CDC5L: variants seen among roughly 807,000 people sequenced by gnomAD.
The protein encoded by CDC5L is cell division cycle 5-like protein.
CDC5L carries 18 observed loss-of-function variants against 104.1 expected under a neutral mutation model. The observed-to-expected ratio is 0.17, with a 90% CI of 0.12 to 0.26. The LOEUF (loss-of-function observed/expected upper bound fraction) is 0.26, where lower values mean the gene tolerates loss of function less well. Among genes scored for constraint, CDC5L ranks in the 10% least tolerant of loss-of-function variants. CDC5L has a pLI of 1.00. For missense variants in CDC5L, 673 were observed against 956.9 expected, an observed-to-expected ratio of 0.70 and a Z score of 3.91; for synonymous variants, 331 against 322.7, an observed-to-expected ratio of 1.03 and a Z score of -0.28.
At chr6:44,425,605 G>A (rs1000255615) in intron 11 of CDC5L, among the ~76,000 whole-genome samples, 4 of 152,116 alleles carry the variant, frequency 2.6e-5, no homozygotes, top group Non-Finnish European at 4.4e-5. Flanking sequence ...CTTTTCAGTG[G>A]GGAACAGAGG....
In CDC5L at chr6:44,387,742, G is replaced by A; in HGVS notation, c.-82G>A. The A allele has an allele frequency of 2.4e-6, 3 of 1,268,144 alleles. No homozygotes were observed. Among genetic ancestry groups the A allele is most frequent in the South Asian group, 1.3e-5 (1 of 78,096 alleles). The allele number at this position is 1,268,144 out of a possible 1,614,324, so 78.6% of individuals were successfully genotyped here. A position where few individuals can be genotyped will look rare whatever the true frequency, so the allele number is the denominator to read the frequency against. ...AAGGTCGCGCTTGGAGGAAGTGGCGGCTTTGAGTCCGGTGGCCCAATCGCT... is the reference window on the plus strand; with the variant it reads ...AAGGTCGCGCTTGGAGGAAGTGGCGACTTTGAGTCCGGTGGCCCAATCGCT... On this transcript the variant is annotated 5_prime_UTR_variant, in exon 1 of 16. Coordinates refer to ENST00000371477, the MANE Select transcript of CDC5L (RefSeq NM_001253.4).
rs58800666 is a variant in CDC5L, at chr6:44,414,382, C to CTGTG, written c.1093-5021_1093-5018dup. Among the ~76,000 whole-genome samples, 518 of 130,028 alleles carry CTGTG rather than the reference C, an allele frequency of 4.0e-3. 4 individuals carry two copies. Among genetic ancestry groups the CTGTG allele is most frequent in the African/African-American group, 8.4e-3 (280 of 33,500 alleles). The allele number at this position is 130,028 out of a possible 152,430, so 85.3% of individuals were successfully genotyped here. ...CGTGAGCCACTGTGCCTGGCCTGGC[C>CTGTG]TGTGTGTGTGTGTGTGTGTGTGTGT... On this transcript the variant is annotated intron_variant, in intron 8 of 15. Coordinates refer to ENST00000371477, the MANE Select transcript of CDC5L (RefSeq NM_001253.4).
chr6:44,411,637 A>AGAGAGAGAGAGAGAGAGAGTGTGTGT, intron 8 of CDC5L, among the ~76,000 whole-genome samples: 2 of 123,746 alleles, frequency 1.6e-5, no homozygotes, highest in East Asian at 1.1e-3. Context: ...AGAGAGAGAG[A>AGAGAGAGAGAGAGAGAGAGTGTGTGT]GTGTGTGTGT....
chr6:44,425,971 A>G, intron 11 of CDC5L, 132 bp from the exon 12 acceptor site: 1 of 551,344 alleles, frequency 1.8e-6, no homozygotes. Context: ...TTGCCTTTCT[A>G]CAAACTTAAA....
At chr6:44,401,416 G>A (rs1484371019) in intron 5 of CDC5L, among the ~76,000 whole-genome samples, 1 of 152,060 alleles carries the variant, frequency 6.6e-6, no homozygotes, top group Non-Finnish European at 1.5e-5. Flanking sequence ...ACTTCTGTTT[G>A]GATGGAGGAA....
chr6:44,397,609 A>C (rs1452110623), intron 5 of CDC5L, among the ~76,000 whole-genome samples: 2 of 152,250 alleles, frequency 1.3e-5, no homozygotes, highest in Admixed American at 1.3e-4. Context: ...TTTTGGAGTC[A>C]GATGACTGTA....
chr6:44,425,957 A>G (rs1581656295), intron 11 of CDC5L, 146 bp from the exon 12 acceptor site: 1 of 523,992 alleles, frequency 1.9e-6, no homozygotes. Flanking sequence ...CTGTTGCCTT[A>G]GCATTGCCTT....
Position 44,396,372 on chromosome 6 carries a change from C to A in CDC5L, c.471C>A (p.Ala157=). ...DELEMLSEAR[A]RLANTQGKKA... ...TTGAGATGCTTTCTGAAGCCAGAGC[C>A]CGCTTGGCTAATACTCAGGGAAAGA... is the stretch of plus-strand genomic sequence containing the variant. The change falls in exon 5 of 16, where the codon GCC becomes GCA. Residue 157 remains alanine, a synonymous_variant. Transcript: ENST00000371477. The A allele has an allele frequency of 6.2e-7, 1 of 1,610,188 alleles. No homozygotes were observed. Among genetic ancestry groups the A allele is most frequent in the East Asian group, 2.2e-5 (1 of 44,784 alleles).
chr6:44,424,341 C>G, intron 10 of CDC5L, 78 bp from the exon 11 acceptor site: 1 of 1,278,020 alleles, frequency 7.8e-7, no homozygotes, highest in Non-Finnish European at 1.1e-6. Flanking sequence ...GTTGTGCTAT[C>G]AATTTTTAAG....
At chr6:44,444,772 C>A (rs1793370144) in intron 14 of CDC5L, among the ~76,000 whole-genome samples, 1 of 152,110 alleles carries the variant, frequency 6.6e-6, no homozygotes, top group Non-Finnish European at 1.5e-5. Context: ...TCTTCCATTA[C>A]CACATCTAGG....
At chr6:44,392,230 A>G (rs1021130900) in intron 2 of CDC5L, among the ~76,000 whole-genome samples, 3 of 152,332 alleles carry the variant, frequency 2.0e-5, no homozygotes, top group Middle Eastern at 3.4e-3. Context: ...ATGAAAGGTT[A>G]CGGTGAATTT....
At chr6:44,406,949 AC>A (rs1356331972) in intron 7 of CDC5L, among the ~76,000 whole-genome samples, 1 of 151,640 alleles carries the variant, frequency 6.6e-6, no homozygotes, top group East Asian at 1.9e-4. Context: ...AACAAAAAAA[AC>A]CCCACAAGTA....
intron 7 of CDC5L, 134 bp downstream of exon 7, chr6:44,406,601 C>A: frequency 2.5e-6 from 2 of 803,180 alleles, no homozygotes; most frequent in Non-Finnish European, 4.1e-6. Context: ...ATGGGTGAGA[C>A]ACACATAAAA....
At position 44,387,727 on chromosome 6, in the gene CDC5L, T is replaced by G. The variant is rs1790390323; in HGVS notation, c.-97T>G. 1.8e-6 allele frequency: 2 copies of G among 1,095,090 alleles called. No homozygotes were observed. The highest frequency in any genetic ancestry group is 3.1e-5 in the African/African-American group (2 of 64,144). The allele number at this position is 1,095,090 out of a possible 1,614,324, so 67.8% of individuals were successfully genotyped here. ...AGATCTTCAAAGCAGAAGGTCGCGCTTGGAGGAAGTGGCGGCTTTGAGTCC... is the reference window on the plus strand; with the variant it reads ...AGATCTTCAAAGCAGAAGGTCGCGCGTGGAGGAAGTGGCGGCTTTGAGTCC... On this transcript the variant is annotated 5_prime_UTR_variant, in exon 1 of 16. Transcript: ENST00000371477.
Position 44,406,433 on chromosome 6 carries a change from A to G in CDC5L, c.869A>G (p.Lys290Arg). The stretch of plus-strand genomic sequence containing the variant: ...ACTAGTGGTGTTTCTGAATTTACTA[A>G]AAAGAGAAGCAAACTAGTACTTCCT... ...LQTSGVSEFT[K>R]KRSKLVLPAP... is the part of the protein sequence containing the mutation. The change falls in exon 7 of 16, where the codon AAA becomes AGA. Residue 290 changes from lysine to arginine, a missense_variant. Lys to Arg is a conservative substitution (Grantham distance 26, BLOSUM62 2). Around this residue, in one of 4 missense-constraint regions of CDC5L, gnomAD observed 578 missense variants for 737.0 expected, o/e 0.78. Transcript: ENST00000371477. 1.2e-6 allele frequency: 2 copies of G among 1,611,162 alleles called. No homozygotes were observed. Among genetic ancestry groups the G allele is most frequent in the African/African-American group, 1.3e-5 (1 of 74,896 alleles).
intron 10 of CDC5L, among the ~76,000 whole-genome samples, chr6:44,423,826 GATTTT>G (rs1364084739): frequency 2.0e-5 from 3 of 152,108 alleles, no homozygotes; most frequent in Non-Finnish European, 4.4e-5. Context: ...TTTTAGAGTG[GATTTT>G]ATTAGTCCAA....
rs1377634727 is a variant in CDC5L at position 44,448,956 on chromosome 6, G to T, written c.*2245G>T. 6.6e-6 allele frequency: 1 copy of T among 152,044 alleles called. No individual in the cohort carries two copies. Among genetic ancestry groups the T allele is most frequent in the Non-Finnish European group, 1.5e-5 (1 of 67,976 alleles). The allele number at this position is 152,044 out of a possible 1,614,324, so 9.4% of individuals were successfully genotyped here. A position where few individuals can be genotyped will look rare whatever the true frequency, so the allele number is the denominator to read the frequency against. ...CATCTATTAAAGCATTCATATAATT[G>T]TTCTCATTTGATGTTTTGATGAGGT... On this transcript the variant is annotated 3_prime_UTR_variant, in exon 16 of 16. Coordinates refer to ENST00000371477, the MANE Select transcript of CDC5L (RefSeq NM_001253.4).
At chr6:44,414,285 C>T (rs776482290) in intron 8 of CDC5L, among the ~76,000 whole-genome samples, 10 of 151,662 alleles carry the variant, frequency 6.6e-5, no homozygotes, top group Non-Finnish European at 1.5e-4. Context: ...ACTATGTTGT[C>T]CAGGCTAGTC....
chr6:44,389,730 A>G (rs1790507470), intron 1 of CDC5L, among the ~76,000 whole-genome samples: 1 of 152,210 alleles, frequency 6.6e-6, no homozygotes, highest in South Asian at 2.1e-4. Context: ...AACTTGAGAC[A>G]GGAGGCTTGG....
Sources: gnomAD v4.1 joint callset for allele counts (sites outside exome capture counted in the v4.1 genomes callset) on GRCh38, gnomAD v4.1.1 for gene constraint, gnomAD v4.1.1 regional missense constraint, MANE v1.5 for transcripts, NCBI Gene and HGNC (gene_info 2026-07-23, HGNC 2026-07-21) for gene names.